The following COL3A1 variants were observed in gnomAD, a reference collection of about 807,000 sequenced individuals.
The protein encoded by COL3A1 is collagen alpha-1(III) chain.
A neutral mutation model predicts 200.9 loss-of-function variants in COL3A1; 46 were observed. The ratio of observed to expected loss-of-function variants is 0.23; its 90% CI spans 0.18 to 0.29. The LOEUF is 0.29. COL3A1 is among the 10% of genes least tolerant of loss of function. COL3A1 has a pLI of 1.00. For missense variants in COL3A1, 1,367 were observed against 1,917.6 expected (o/e 0.71, Z 5.36); for synonymous variants, 650 against 628.0 (o/e 1.03, Z -0.52).
At chr2:188,985,533 AG>A (rs1576461084) in intron 3 of COL3A1, 131 bp from the exon 4 acceptor site, 1 of 681,638 alleles carries the variant, frequency 1.5e-6, no homozygotes, top group African/African-American at 1.8e-5. Context: ...TTGATTAAAA[AG>A]TATGTGTTAT....
At chr2:188,997,542 G>A (rs1268995138) in intron 26 of COL3A1, among the ~76,000 whole-genome samples, 153 bp downstream of exon 26, 1 of 152,316 alleles carries the variant, frequency 6.6e-6, no homozygotes, top group East Asian at 1.9e-4. Flanking sequence ...CTAAATGCTA[G>A]CATTGAGTTT....
At chr2:188,990,909 T>C in intron 10 of COL3A1, 95 bp from the exon 11 acceptor site, 1 of 1,276,756 alleles carries the variant, frequency 7.8e-7, no homozygotes, top group Non-Finnish European at 1.1e-6. Flanking sequence ...AGTAGTGTTA[T>C]GAAGACCAAT....
chr2:188,991,092 A>AATTC lies in COL3A1; in HGVS notation c.852+39_852+42dup, dbSNP rs1377686125. ...AACAAAAATCATATTTTCATAAGTA[A>AATTC]ATTCATTAAATATTAAAGCTACATA... On this transcript the variant is annotated intron_variant, in intron 11 of 50. Coordinates refer to ENST00000304636, the MANE Select transcript of COL3A1 (RefSeq NM_000090.4). 3.8e-6 allele frequency: 6 copies of AATTC among 1,585,112 alleles called. No individual in the cohort carries two copies. In the East Asian group the frequency reaches 1.1e-4, roughly 30 times the overall value.
At chr2:189,005,077 T>G (rs1344012329) in intron 40 of COL3A1, among the ~76,000 whole-genome samples, 1 of 152,198 alleles carries the variant, frequency 6.6e-6, no homozygotes, top group Non-Finnish European at 1.5e-5. Context: ...ATCATGTTTA[T>G]GTATTCATCT....
In COL3A1 at chr2:189,003,049, G is replaced by T. The variant is rs1336654706; in HGVS notation, c.2540G>T (p.Gly847Val). 6.4e-7 allele frequency: 1 copy of T among 1,551,096 alleles called. No homozygotes were observed. Among genetic ancestry groups the T allele is most frequent in the Non-Finnish European group, 8.7e-7 (1 of 1,146,590 alleles). ...GPPGVAGPPGGSGPAGPPGPQ... is the reference protein window; with the variant it reads ...GPPGVAGPPGVSGPAGPPGPQ... ...CCTGGAGTTGCAGGACCCCCTGGAG[G>T]TTCTGGACCTGCTGTAAGTTCCTTC... The change falls in exon 36 of 51, where the codon GGT becomes GTT. Residue 847 changes from glycine (G) to valine (V), a missense_variant. Physicochemically the swap from Gly to Val is moderately radical, Grantham distance 109. Coordinates refer to ENST00000304636, the MANE Select transcript of COL3A1 (RefSeq NM_000090.4).
intron 14 of COL3A1, 95 bp from the exon 15 acceptor site, chr2:188,992,792 A>G (rs1688215134): frequency 1.0e-6 from 1 of 953,546 alleles, no homozygotes; most frequent in Non-Finnish European, 1.7e-6. Flanking sequence ...CTGCATAAAT[A>G]TCTTCTTTAC....
At chr2:188,986,938 T>A in intron 4 of COL3A1, 121 bp from the exon 5 acceptor site, 2 of 815,440 alleles carry the variant, frequency 2.5e-6, no homozygotes, top group Non-Finnish European at 4.2e-6. Flanking sequence ...ACATACCACA[T>A]CTTTTGGCAC....
intron 8 of COL3A1, among the ~76,000 whole-genome samples, chr2:188,989,681 G>A (rs1165319306): frequency 3.9e-5 from 6 of 152,120 alleles, no homozygotes; most frequent in South Asian, 2.1e-4. Context: ...TTTTGACTGC[G>A]GAGAAGACTC....
intron 1 of COL3A1, 26 bp downstream of exon 1, chr2:188,974,594 CT>C: frequency 6.3e-7 from 1 of 1,589,014 alleles, no homozygotes. Context: ...TTTCAAGAAA[CT>C]TTATGGGATT....
In COL3A1 at chr2:188,996,460, T is replaced by G; in HGVS notation, c.1725T>G (p.Pro575=). Residue 575 remains proline, a synonymous_variant, in exon 24 of 51, where the codon CCT becomes CCG. Coordinates refer to ENST00000304636, the MANE Select transcript of COL3A1 (RefSeq NM_000090.4). The part of the protein sequence containing the change: ...PPGPSGPRGQ[P]GVMGFPGPKG... ...GGCCATCTGGTCCCCGAGGTCAGCCTGGTGTCATGGGCTTCCCCGGTCCTA... is the reference window on the plus strand; with the variant it reads ...GGCCATCTGGTCCCCGAGGTCAGCCGGGTGTCATGGGCTTCCCCGGTCCTA... The G allele has an allele frequency of 6.2e-7, 1 of 1,613,950 alleles. No individual in the cohort carries two copies. Among genetic ancestry groups the G allele is most frequent in the African/African-American group, 1.3e-5 (1 of 75,014 alleles).
chr2:188,978,541 T>C (rs1223982302), intron 1 of COL3A1, among the ~76,000 whole-genome samples: 1 of 151,998 alleles, frequency 6.6e-6, no homozygotes, highest in Non-Finnish European at 1.5e-5. Flanking sequence ...TCTTTAATTT[T>C]GTAACATCTA....
At chr2:188,984,540 G>C (rs1240832170) in intron 1 of COL3A1, among the ~76,000 whole-genome samples, 1 of 151,886 alleles carries the variant, frequency 6.6e-6, no homozygotes, top group Non-Finnish European at 1.5e-5. Flanking sequence ...AATTGACTAT[G>C]GTGTGCCAAT....
chr2:189,012,432 G>T lies in COL3A1; in HGVS notation c.*658G>T, dbSNP rs547883541. On this transcript the variant is annotated 3_prime_UTR_variant, in exon 51 of 51. Coordinates refer to ENST00000304636, the MANE Select transcript of COL3A1 (RefSeq NM_000090.4). ...TGCTGGTCAAGATTACTAATATTTG[G>T]GAAGGCTTTAAAGACGCATGTTATG... 6.6e-6 allele frequency: 1 copy of T among 152,550 alleles called. No homozygotes were observed. The highest frequency in any genetic ancestry group is 1.5e-5 in the Non-Finnish European group (1 of 68,174). 9.4% of individuals were successfully genotyped at this position (152,550 alleles called of 1,614,324 possible). A position where few individuals can be genotyped will look rare whatever the true frequency, so the allele number is the denominator to read the frequency against.
chr2:188,999,547 T>C lies in COL3A1; in HGVS notation c.2199T>C (p.Gly733=), dbSNP rs762547633. 6.2e-7 allele frequency: 1 copy of C among 1,613,796 alleles called. No individual in the cohort carries two copies. The highest frequency in any genetic ancestry group is 8.5e-7 in the Non-Finnish European group (1 of 1,180,010). The change falls in exon 31 of 51, where the codon GGT becomes GGC. Residue 733 remains glycine (G), a synonymous_variant. Coordinates refer to ENST00000304636, the MANE Select transcript of COL3A1 (RefSeq NM_000090.4). The part of the protein sequence containing the change: ...GLQGMPGERG[G]LGSPGPKGDK... The stretch of plus-strand genomic sequence containing the variant: ...AAGGAATGCCTGGAGAAAGAGGAGG[T>C]CTTGGAAGTCCTGGTCCAAAGGGTG...
chr2:189,009,721 AATATCTTGAC>A (rs2153504188), intron 48 of COL3A1, among the ~76,000 whole-genome samples: 1 of 152,336 alleles, frequency 6.6e-6, no homozygotes, highest in African/African-American at 2.4e-5. Flanking sequence ...CAAGTTTTCA[AATATCTTGAC>A]ATGGAACACT....
chr2:188,982,439 A>G (rs901846770), intron 1 of COL3A1, among the ~76,000 whole-genome samples: 2 of 151,792 alleles, frequency 1.3e-5, no homozygotes, highest in African/African-American at 4.8e-5. Context: ...GAGGATGAAT[A>G]CACAGGAGGG....
rs771480377 is a variant in COL3A1, at chr2:188,985,721, G to A, written c.390G>A (p.Gly130=). Residue 130 remains glycine (G), a synonymous_variant, in exon 4 of 51, where the codon GGG becomes GGA. Coordinates refer to ENST00000304636, the MANE Select transcript of COL3A1 (RefSeq NM_000090.4). The part of the protein sequence containing the change: ...NGDPGIPGQP[G]SPGSPGPPGI... Reference sequence around the variant, plus strand: ...ACCCTGGTATTCCAGGACAACCAGGGTCCCCTGGTTCTCCTGGCCCCCCTG... The same window carrying A: ...ACCCTGGTATTCCAGGACAACCAGGATCCCCTGGTTCTCCTGGCCCCCCTG... The A allele has an allele frequency of 6.2e-7, 1 of 1,611,608 alleles. No individual in the cohort carries two copies. The highest frequency in any genetic ancestry group is 1.3e-5 in the African/African-American group (1 of 74,854).
At chr2:189,002,069 C>A (rs1688478280) in intron 34 of COL3A1, among the ~76,000 whole-genome samples, 1 of 152,078 alleles carries the variant, frequency 6.6e-6, no homozygotes, top group Non-Finnish European at 1.5e-5. Flanking sequence ...AATTCTCAAA[C>A]TATTTTTCTT....
Position 189,002,995 on chromosome 2 carries a change from C to G in COL3A1, c.2486C>G (p.Ala829Gly). 1 of 1,551,752 alleles carries G rather than the reference C, an allele frequency of 6.4e-7. No homozygotes were observed. The highest frequency in any genetic ancestry group is 8.7e-7 in the Non-Finnish European group (1 of 1,147,048). ...CCTGGTGGTAAAGGAGAAAGAGGGG[C>G]TCCGGGTGAGAAAGGTGAAGGAGGC... is the stretch of plus-strand genomic sequence containing the variant. ...GEPGGKGERG[A>G]PGEKGEGGPP... The change falls in exon 36 of 51, where the codon GCT (alanine) becomes GGT (glycine). Residue 829 changes from alanine to glycine, a missense_variant. Physicochemically the swap from Ala to Gly is moderately conservative, Grantham distance 60. Transcript: ENST00000304636.
Sources: allele counts gnomAD v4.1 joint callset (sites outside exome capture counted in the v4.1 genomes callset), GRCh38; gene constraint gnomAD v4.1.1; transcripts MANE v1.5; gene names NCBI Gene and HGNC (gene_info 2026-07-23, HGNC 2026-07-21).